The following STXBP3 variants were observed in gnomAD, a reference collection of about 807,000 sequenced individuals.
STXBP3 encodes syntaxin-binding protein 3.
A neutral mutation model predicts 85.7 loss-of-function variants in STXBP3; 41 were observed. The ratio of observed to expected loss-of-function variants is 0.48; its 90% CI spans 0.37 to 0.62. The LOEUF is 0.62. Among genes scored for constraint, STXBP3 ranks in the 20% least tolerant of loss-of-function variants. The pLI is 0.00. For missense variants in STXBP3, 563 were observed against 703.1 expected, an observed-to-expected ratio of 0.80 and a Z score of 2.25; for synonymous variants, 229 against 231.7, an observed-to-expected ratio of 0.99 and a Z score of 0.10.
intron 6 of STXBP3, among the ~76,000 whole-genome samples, chr1:108,760,566 A>G (rs1399881197): frequency 2.0e-5 from 3 of 152,228 alleles, no homozygotes; most frequent in African/African-American, 7.2e-5. Context: ...GATATAAGCA[A>G]ACACTCATAT....
At chr1:108,765,455 G>A (rs1397447449) in intron 6 of STXBP3, among the ~76,000 whole-genome samples, 1 of 151,976 alleles carries the variant, frequency 6.6e-6, no homozygotes, top group African/African-American at 2.4e-5. Flanking sequence ...CAACCCCATT[G>A]TGTGTCTGGG....
At chr1:108,803,136 G>C (rs745596754) in intron 17 of STXBP3, among the ~76,000 whole-genome samples, 1 of 152,106 alleles carries the variant, frequency 6.6e-6, no homozygotes, top group Non-Finnish European at 1.5e-5. Context: ...TTCTACAAAA[G>C]GTTTGGAGGT....
chr1:108,749,331 T>C (rs1661857498), intron 1 of STXBP3, among the ~76,000 whole-genome samples: 1 of 152,302 alleles, frequency 6.6e-6, no homozygotes, highest in East Asian at 1.9e-4. Context: ...TAGCTGCTTG[T>C]ATCTGTATTG....
At chr1:108,751,986 T>G (rs1661915029) in intron 1 of STXBP3, among the ~76,000 whole-genome samples, 1 of 152,180 alleles carries the variant, frequency 6.6e-6, no homozygotes, top group African/African-American at 2.4e-5. Context: ...AGGTAATAAT[T>G]TTAGAAATAT....
At chr1:108,796,394 T>G in intron 14 of STXBP3, 22 bp downstream of exon 14, 1 of 1,420,420 alleles carries the variant, frequency 7.0e-7, no homozygotes, top group South Asian at 1.2e-5. Context: ...AATCACTTTT[T>G]AATAAGTATT....
At position 108,808,963 on chromosome 1, in the gene STXBP3, ATG is replaced by A; in HGVS notation, c.*88_*89del. ...ATGTTGCTGTCATGTAATTTAAACA[ATG>A]TAAATATTTTATGGAATAATGGCTT... On this transcript the variant is annotated 3_prime_UTR_variant, in exon 19 of 19. Transcript: ENST00000370008. 1 of 896,318 alleles carries A rather than the reference ATG, an allele frequency of 1.1e-6. No homozygotes were observed. The highest frequency in any genetic ancestry group is 2.6e-5 in the East Asian group (1 of 38,204). The allele number at this position is 896,318 out of a possible 1,614,324, so 55.5% of individuals were successfully genotyped here. A position where few individuals can be genotyped will look rare whatever the true frequency, so the allele number is the denominator to read the frequency against.
rs146302667 is a variant in STXBP3 at position 108,789,119 on chromosome 1, A to G, written c.964-4463A>G. On this transcript the variant is annotated intron_variant, in intron 11 of 18. Coordinates refer to ENST00000370008, the MANE Select transcript of STXBP3 (RefSeq NM_007269.4). ...GTTATTAATATTTCAAAGAACCAAC[A>G]TTTGTCTTTGTTGATTTTCACTCTT... is the stretch of plus-strand genomic sequence containing the variant. 2.2e-3 allele frequency among the ~76,000 whole-genome samples: 340 copies of G among 152,138 alleles called. 12 individuals carry two copies. In the East Asian group the frequency reaches 0.054, roughly 24 times the overall value.
At chr1:108,793,752 GTTATTTGTCCTCTAAAACC>G in intron 12 of STXBP3, 105 bp downstream of exon 12, 1 of 922,986 alleles carries the variant, frequency 1.1e-6, no homozygotes, top group Non-Finnish European at 1.6e-6. Context: ...AATACTTGGT[GTTATTTGTCCTCTAAAACC>G]TTACTATAGG....
At chr1:108,777,518 T>C (rs1570761516) in intron 8 of STXBP3, among the ~76,000 whole-genome samples, 1 of 152,174 alleles carries the variant, frequency 6.6e-6, no homozygotes, top group Non-Finnish European at 1.5e-5. Flanking sequence ...AAGGCTGTTA[T>C]TCTGGTTGTA....
In STXBP3 at chr1:108,796,225, T is replaced by A; in HGVS notation, c.1111-9T>A. 1 of 1,596,692 alleles carries A rather than the reference T, an allele frequency of 6.3e-7. No individual in the cohort carries two copies. Among genetic ancestry groups the A allele is most frequent in the Non-Finnish European group, 8.5e-7 (1 of 1,175,310 alleles). Reference sequence around the variant, plus strand: ...TATAGATCACTGACAATATTTTATTTTCATTAAGGACCTGGCACTTGGAAC... The same window carrying A: ...TATAGATCACTGACAATATTTTATTATCATTAAGGACCTGGCACTTGGAAC... On this transcript the variant is annotated splice_polypyrimidine_tract_variant and intron_variant, in intron 13 of 18. Coordinates refer to ENST00000370008, the MANE Select transcript of STXBP3 (RefSeq NM_007269.4).
Position 108,762,012 on chromosome 1 carries a change from T to C in STXBP3, c.438+1927T>C, listed in dbSNP as rs140546709. On this transcript the variant is annotated intron_variant, in intron 6 of 18. Coordinates refer to ENST00000370008, the MANE Select transcript of STXBP3 (RefSeq NM_007269.4). ...GTTCTACTTAATAAATCTAACTGTTTTGGAGAAATTACATTGAAAATATTT... is the reference window on the plus strand; with the variant it reads ...GTTCTACTTAATAAATCTAACTGTTCTGGAGAAATTACATTGAAAATATTT... Among the ~76,000 whole-genome samples, 395 of 152,192 alleles carry C rather than the reference T, an allele frequency of 2.6e-3. 2 individuals are homozygous for C. The highest frequency in any genetic ancestry group is 5.0e-3 in the Non-Finnish European group (340 of 68,002).
At chr1:108,772,146 A>G (rs539693631) in intron 6 of STXBP3, among the ~76,000 whole-genome samples, 5 of 81,442 alleles carry the variant, frequency 6.1e-5, no homozygotes, top group African/African-American at 1.4e-4. Flanking sequence ...ATATCTATCT[A>G]TATATCATAT....
intron 9 of STXBP3, chr1:108,782,198 T>A (rs1380134608): frequency 2.3e-6 from 1 of 429,458 alleles, no homozygotes; most frequent in Non-Finnish European, 4.1e-6. Context: ...TAATGGCACC[T>A]AAACTGAATA....
intron 18 of STXBP3, among the ~76,000 whole-genome samples, 174 bp from the exon 19 acceptor site, chr1:108,808,606 TGAA>T (rs1663390828): frequency 6.6e-6 from 1 of 152,208 alleles, no homozygotes; most frequent in Non-Finnish European, 1.5e-5. Context: ...TGCTCAGTGG[TGAA>T]GAAGGATTGA....
intron 7 of STXBP3, 62 bp from the exon 8 acceptor site, chr1:108,776,271 A>G (rs147501305): frequency 7.5e-6 from 8 of 1,067,118 alleles, no homozygotes; most frequent in East Asian, 5.4e-5. Context: ...ATTAAACTTC[A>G]TGATATTATA....
intron 7 of STXBP3, among the ~76,000 whole-genome samples, chr1:108,773,212 T>C (rs1662506636): frequency 6.6e-6 from 1 of 152,200 alleles, no homozygotes; most frequent in Admixed American, 6.5e-5. Flanking sequence ...ATCTGCCTAT[T>C]CTAAATAAAT....
chr1:108,772,630 C>G (rs1662493487), intron 6 of STXBP3, 35 bp from the exon 7 acceptor site: 3 of 1,327,656 alleles, frequency 2.3e-6, no homozygotes, highest in Non-Finnish European at 2.9e-6. Flanking sequence ...AATCAGGTCT[C>G]CAGATTAACA....
At position 108,791,024 on chromosome 1, in the gene STXBP3, C is replaced by T. The variant is rs1229689371; in HGVS notation, c.964-2558C>T. On this transcript the variant is annotated intron_variant, in intron 11 of 18. Transcript: ENST00000370008. ...CTGGTACTGTTTATTTCTTACTGCT[C>T]TTCAGTTTTTCCAGCTGGGTTAGAT... Among the ~76,000 whole-genome samples the T allele has an allele frequency of 2.0e-5, 3 of 152,256 alleles. No homozygotes were observed. In the South Asian group the frequency reaches 6.2e-4, roughly 32 times the overall value.
intron 16 of STXBP3, 97 bp downstream of exon 16, chr1:108,798,334 C>A: frequency 1.2e-6 from 1 of 834,878 alleles, no homozygotes; most frequent in Non-Finnish European, 1.8e-6. Context: ...ATGTATTGGG[C>A]AGGAAGTTTC....
Sources: allele counts gnomAD v4.1 joint callset (sites outside exome capture counted in the v4.1 genomes callset), GRCh38; gene constraint gnomAD v4.1.1; transcripts MANE v1.5; gene names NCBI Gene and HGNC (gene_info 2026-07-23, HGNC 2026-07-21).